The following GPHN variants were observed in gnomAD, a reference collection of about 807,000 sequenced individuals.
GPHN encodes gephyrin.
A neutral mutation model predicts 95.5 loss-of-function variants in GPHN; 17 were observed. That is an observed-to-expected ratio of 0.18 (90% CI 0.12 to 0.27). The LOEUF (loss-of-function observed/expected upper bound fraction) is 0.27. Among genes scored for constraint, GPHN ranks in the 10% least tolerant of loss-of-function variants. GPHN has a pLI of 1.00. For synonymous variants in GPHN, 320 were observed against 322.5 expected (o/e 0.99, Z 0.08); for missense variants, 660 against 978.1 (o/e 0.67, Z 4.34).
At chr14:67,256,763 G>A in the GPHN span, among the ~76,000 whole-genome samples, 1 of 151,128 alleles carries the variant, frequency 6.6e-6, no homozygotes. Context: ...ATCTAATAGA[G>A]TAAGTAGGAG....
the GPHN span, among the ~76,000 whole-genome samples, chr14:67,507,023 C>T: frequency 2.0e-5 from 3 of 151,866 alleles, no homozygotes; most frequent in Non-Finnish European, 4.4e-5. Flanking sequence ...AAGCCTTGTT[C>T]AAAGGGAACT....
At chr14:66,893,668 T>C (rs1217880984) in intron 5 of GPHN, among the ~76,000 whole-genome samples, 2 of 152,132 alleles carry the variant, frequency 1.3e-5, no homozygotes, top group Non-Finnish European at 2.9e-5. Flanking sequence ...AGCAAAGTCT[T>C]AGGATACAAA....
intron 8 of GPHN, among the ~76,000 whole-genome samples, chr14:66,949,020 CAT>C (rs1489584121): frequency 9.2e-5 from 14 of 152,192 alleles, no homozygotes; most frequent in African/African-American, 2.4e-4. Flanking sequence ...TCTGAGAAGA[CAT>C]GTGATATATA....
intron 2 of GPHN, among the ~76,000 whole-genome samples, chr14:66,766,655 A>G (rs1381314835): frequency 6.6e-6 from 1 of 152,114 alleles, no homozygotes; most frequent in African/African-American, 2.4e-5. Context: ...AGAATGATAT[A>G]GAAACAATAT....
At chr14:66,886,953 A>G (rs1596281250) in intron 5 of GPHN, among the ~76,000 whole-genome samples, 1 of 152,306 alleles carries the variant, frequency 6.6e-6, no homozygotes, top group African/African-American at 2.4e-5. Context: ...AGTCGCTACA[A>G]TTTTGTGAAA....
chr14:67,323,899 A>G, the GPHN span: 2 of 701,132 alleles, frequency 2.9e-6, no homozygotes, highest in Non-Finnish European at 4.8e-6. Flanking sequence ...TAAAAGCTAC[A>G]TTAGCTTGAG....
intron 18 of GPHN, among the ~76,000 whole-genome samples, chr14:67,153,567 T>C (rs72717309): frequency 0.048 from 7,296 of 152,280 alleles, 199 homozygotes; most frequent in Middle Eastern, 0.068. Context: ...AGTTTCAACA[T>C]ATGAATTTGG....
intron 11 of GPHN, among the ~76,000 whole-genome samples, chr14:67,070,715 A>AAAAAAATATATAT: frequency 2.6e-4 from 21 of 80,702 alleles, no homozygotes; most frequent in Non-Finnish European, 3.2e-4. Context: ...AAAAAAAAAA[A>AAAAAAATATATAT]ATATATATAT....
chr14:67,573,698 T>C, the GPHN span: 5 of 804,774 alleles, frequency 6.2e-6, no homozygotes, highest in East Asian at 4.9e-5. This position sits in a 1 kb window ranked among gnomAD's most constrained non-coding sequence, Gnocchi z 4.8. Flanking sequence ...CTGGGAATCA[T>C]GTTTCCCTTT....
the GPHN span, chr14:67,692,578 A>G: frequency 2.5e-6 from 4 of 1,589,718 alleles, no homozygotes; most frequent in Admixed American, 7.2e-5. Flanking sequence ...CCGGCAAGCT[A>G]AATATACTCG....
chr14:67,619,275 G>T, the GPHN span, among the ~76,000 whole-genome samples: 26 of 152,274 alleles, frequency 1.7e-4, no homozygotes, highest in African/African-American at 6.0e-4. Context: ...CAGCGCTCCC[G>T]TTATTCAGGT....
chr14:66,740,507 T>C (rs184253506), intron 2 of GPHN, among the ~76,000 whole-genome samples: 74 of 152,108 alleles, frequency 4.9e-4, no homozygotes, highest in African/African-American at 1.7e-3. Context: ...GTAGGCTCTT[T>C]GTATTTCCCA....
chr14:66,578,654 GAAAA>G, intron 1 of GPHN, among the ~76,000 whole-genome samples: 1 of 59,680 alleles, frequency 1.7e-5, no homozygotes, highest in East Asian at 5.3e-4. Flanking sequence ...GGGATAGAGT[GAAAA>G]AAAAAAAAAA....
Position 67,178,928 on chromosome 14 carries a change from G to GA in GPHN, c.2080-640dup, listed in dbSNP as rs375116583. Among the ~76,000 whole-genome samples the GA allele has an allele frequency of 1.0e-3, 151 of 148,992 alleles. 1 individual carries two copies. The highest frequency in any genetic ancestry group is 1.6e-3 in the Non-Finnish European group (105 of 67,004). ...GAATGATGTATGTAAAGTGCTGAAA[G>GA]AAAAAAAAAATGCCAACCAGAAATA... On this transcript the variant is annotated intron_variant, in intron 21 of 22. Transcript: ENST00000478722.
At chr14:66,765,835 T>A (rs2077628027) in intron 2 of GPHN, among the ~76,000 whole-genome samples, 1 of 152,228 alleles carries the variant, frequency 6.6e-6, no homozygotes, top group Non-Finnish European at 1.5e-5. Flanking sequence ...AGTCATCTAT[T>A]TAGAATGAAA....
the GPHN span, among the ~76,000 whole-genome samples, chr14:67,496,398 T>TTTG: frequency 8.3e-6 from 1 of 120,828 alleles, no homozygotes; most frequent in African/African-American, 3.1e-5. Context: ...GGCGTTTTTT[T>TTTG]TTTTTTTTTT....
intron 2 of GPHN, among the ~76,000 whole-genome samples, chr14:66,716,304 T>C (rs1296235397): frequency 6.6e-6 from 1 of 152,216 alleles, no homozygotes; most frequent in Non-Finnish European, 1.5e-5. Context: ...TTGTTTTGTC[T>C]GATACAAGAA....
chr14:67,379,404 A>C, the GPHN span, among the ~76,000 whole-genome samples: 1 of 152,066 alleles, frequency 6.6e-6, no homozygotes, highest in South Asian at 2.1e-4. Flanking sequence ...ACAGTTTTTC[A>C]TGTTTCTTAA....
chr14:67,319,297 T>C, the GPHN span, among the ~76,000 whole-genome samples: 4 of 152,168 alleles, frequency 2.6e-5, no homozygotes, highest in African/African-American at 9.7e-5. Context: ...GAGTGAGGAC[T>C]TGGCAGGCTA....
Sources: gnomAD v4.1 joint callset for allele counts (sites outside exome capture counted in the v4.1 genomes callset) on GRCh38, gnomAD v4.1.1 for gene constraint, Gnocchi (gnomAD v3.1) non-coding constraint, MANE v1.5 for transcripts, NCBI Gene and HGNC (gene_info 2026-07-23, HGNC 2026-07-21) for gene names.